The following PACRG variants were observed in gnomAD, a reference collection of about 807,000 sequenced individuals.
PACRG encodes parkin coregulated gene protein.
PACRG carries 29 observed loss-of-function variants against 29.7 expected under a neutral mutation model. That is an observed-to-expected ratio of 0.98 (90% CI 0.73 to 1.33). PACRG has a LOEUF of 1.33. Among genes scored for constraint, PACRG ranks in the 40% most tolerant of loss-of-function variants. The probability of loss-of-function intolerance (pLI) is 0.00; values close to 1 mark genes in which losing one functional copy is unlikely to be tolerated. For missense variants in PACRG, 279 were observed against 316.2 expected (o/e 0.88, Z 0.89); for synonymous variants, 116 against 118.7 (o/e 0.98, Z 0.15).
At position 163,157,768 on chromosome 6, in the gene PACRG, A is replaced by G. The variant is rs577961015; in HGVS notation, c.613+68360A>G. ...ACAAGCACTCGGCTTGGAAGATTCT[A>G]TCATTCCTTATGTTCTATTCCCCAC... On this transcript the variant is annotated intron_variant, in intron 4 of 4. Transcript: ENST00000366888. Among the ~76,000 whole-genome samples the G allele has an allele frequency of 5.9e-5, 9 of 152,356 alleles. No homozygotes were observed. In the South Asian group the frequency reaches 1.9e-3, roughly 32 times the overall value.
At chr6:162,734,602 T>C (rs1440217156) in intron 1 of PACRG, among the ~76,000 whole-genome samples, 2 of 152,208 alleles carry the variant, frequency 1.3e-5, no homozygotes, top group Non-Finnish European at 2.9e-5. Flanking sequence ...GCTAGTGATC[T>C]TCATTCCATT....
intron 2 of PACRG, among the ~76,000 whole-genome samples, chr6:162,891,305 G>A (rs1354933822): frequency 6.6e-6 from 1 of 152,306 alleles, no homozygotes; most frequent in Admixed American, 6.5e-5. Context: ...TTGAGAAGGG[G>A]AAGTTGAGGC....
intron 2 of PACRG, among the ~76,000 whole-genome samples, chr6:163,033,755 A>G (rs1192859304): frequency 6.6e-6 from 1 of 152,226 alleles, no homozygotes; most frequent in Non-Finnish European, 1.5e-5. Flanking sequence ...AAGCATGGCC[A>G]CATGGTTACA....
At chr6:163,123,206 A>G (rs1816372779) in intron 4 of PACRG, among the ~76,000 whole-genome samples, 1 of 152,216 alleles carries the variant, frequency 6.6e-6, no homozygotes, top group Non-Finnish European at 1.5e-5. Flanking sequence ...TGTCATTCAC[A>G]TAGCCAACCT....
chr6:163,186,514 G>T (rs1397083899), intron 4 of PACRG, among the ~76,000 whole-genome samples: 3 of 152,154 alleles, frequency 2.0e-5, no homozygotes, highest in African/African-American at 7.2e-5. Flanking sequence ...GGAGAGGCCT[G>T]TTTTGCCTGG....
intron 4 of PACRG, among the ~76,000 whole-genome samples, chr6:163,135,174 C>T (rs1816879685): frequency 6.7e-6 from 1 of 149,256 alleles, no homozygotes; most frequent in Non-Finnish European, 1.5e-5. Flanking sequence ...ACATGTGATT[C>T]TAGTTAAGTC....
At chr6:163,058,761 G>A (rs1372869699) in intron 2 of PACRG, among the ~76,000 whole-genome samples, 6 of 152,298 alleles carry the variant, frequency 3.9e-5, no homozygotes, top group African/African-American at 7.2e-5. Flanking sequence ...TTAGCCAGGC[G>A]TGGTGGCAGG....
chr6:162,954,265 G>A (rs574668167), intron 2 of PACRG, among the ~76,000 whole-genome samples: 3 of 152,260 alleles, frequency 2.0e-5, no homozygotes, highest in African/African-American at 7.2e-5. Flanking sequence ...AGTTGCATTA[G>A]AAAACAGAAT....
chr6:162,826,884 G>T, intron 2 of PACRG, among the ~76,000 whole-genome samples: 1 of 152,040 alleles, frequency 6.6e-6, no homozygotes, highest in East Asian at 1.9e-4. Context: ...CCTTCCAATG[G>T]AAAACATCTT....
chr6:162,746,937 C>G (rs540135085), intron 1 of PACRG, among the ~76,000 whole-genome samples: 85 of 152,214 alleles, frequency 5.6e-4, no homozygotes, highest in South Asian at 2.5e-3. Context: ...TGATTTGAAA[C>G]TTATCAACAC....
At chr6:163,145,005 A>G (rs974179875) in intron 4 of PACRG, among the ~76,000 whole-genome samples, 35 of 152,204 alleles carry the variant, frequency 2.3e-4, no homozygotes, top group African/African-American at 7.9e-4. Flanking sequence ...AAGGTAGCTG[A>G]TGCCTCATGC....
rs59243050 is a variant in PACRG at position 162,947,595 on chromosome 6, C to CATATAT, written c.292-114547_292-114542dup. Among the ~76,000 whole-genome samples, 43 of 27,994 alleles carry CATATAT rather than the reference C, an allele frequency of 1.5e-3. 1 individual carries two copies. The highest frequency in any genetic ancestry group is 9.2e-3 in the Admixed American group (14 of 1,514). 18.4% of individuals were successfully genotyped at this position (27,994 alleles called of 152,430 possible). On this transcript the variant is annotated intron_variant, in intron 2 of 4. Transcript: ENST00000366888. ...ACTCATATATAATCATATATATAAT[C>CATATAT]ATATATATATATAATCATATATATA...
In PACRG at chr6:163,214,842, C is replaced by T. The variant is rs566003159; in HGVS notation, c.614-99985C>T. Among the ~76,000 whole-genome samples the T allele has an allele frequency of 1.1e-4, 16 of 152,186 alleles. No homozygotes were observed. The South Asian group carries it at 2.3e-3, about 22-fold the overall frequency. ...TAGTTGTAGCAATGGTTAGGATCCT[C>T]GTCTTATTCCACACTTTAATAGGTA... On this transcript the variant is annotated intron_variant, in intron 4 of 4. Transcript: ENST00000366888.
chr6:162,803,151 T>G (rs1363203320), intron 1 of PACRG, among the ~76,000 whole-genome samples: 2 of 152,096 alleles, frequency 1.3e-5, no homozygotes, highest in Non-Finnish European at 2.9e-5. Flanking sequence ...AGTAGGGATG[T>G]GGTTTGTTAG....
At chr6:163,122,538 G>A (rs753888988) in intron 4 of PACRG, among the ~76,000 whole-genome samples, 25 of 152,146 alleles carry the variant, frequency 1.6e-4, no homozygotes, top group Non-Finnish European at 3.2e-4. Context: ...AAAAAGCCTG[G>A]CACCTCCCCC....
intron 2 of PACRG, among the ~76,000 whole-genome samples, chr6:163,035,834 A>C (rs1392465732): frequency 2.7e-5 from 4 of 150,768 alleles, no homozygotes; most frequent in Non-Finnish European, 5.9e-5. Context: ...AAAAAAAAAA[A>C]CAAAGAATGC....
chr6:162,951,460 A>G (rs1235648632), intron 2 of PACRG, among the ~76,000 whole-genome samples: 13 of 152,174 alleles, frequency 8.5e-5, no homozygotes. Context: ...TTTCTTTCAA[A>G]CAGCAGTTGG....
intron 2 of PACRG, among the ~76,000 whole-genome samples, chr6:163,025,174 C>T (rs910566227): frequency 6.6e-5 from 10 of 152,094 alleles, no homozygotes; most frequent in African/African-American, 2.4e-4. Flanking sequence ...GAGAAGTGAA[C>T]AAGACAAGAA....
intron 2 of PACRG, among the ~76,000 whole-genome samples, chr6:162,875,120 CAT>C (rs972440281): frequency 6.6e-6 from 1 of 152,172 alleles, no homozygotes; most frequent in East Asian, 1.9e-4. Flanking sequence ...CTCACACATA[CAT>C]AGTCATGCAC....
Sources: allele counts gnomAD v4.1 joint callset (sites outside exome capture counted in the v4.1 genomes callset), GRCh38; gene constraint gnomAD v4.1.1; transcripts MANE v1.5; gene names NCBI Gene and HGNC (gene_info 2026-07-23, HGNC 2026-07-21).